TRIM44: variants seen among roughly 807,000 people sequenced by gnomAD.
The protein encoded by TRIM44 is tripartite motif containing 44, also known as tripartite motif-containing protein 44.
TRIM44 carries 13 observed loss-of-function variants against 37.4 expected under a neutral mutation model. That is an observed-to-expected ratio of 0.35 (90% CI 0.23 to 0.55). TRIM44 has a LOEUF of 0.55. Ranked by LOEUF, TRIM44 falls within the 20% of genes least tolerant of loss-of-function variation. TRIM44 has a pLI of 0.89. For synonymous variants in TRIM44, 175 were observed against 157.2 expected (o/e 1.11, Z -0.85); for missense variants, 426 against 437.2 (o/e 0.97, Z 0.23).
At chr11:35,674,662 ATATTT>A (rs1187334136) in intron 1 of TRIM44, among the ~76,000 whole-genome samples, 3 of 152,202 alleles carry the variant, frequency 2.0e-5, no homozygotes, top group East Asian at 3.8e-4. Context: ...TTAGAGAATG[ATATTT>A]TATTTTCTTA....
At position 35,663,327 on chromosome 11, in the gene TRIM44, C is replaced by T. The variant is rs777650546; in HGVS notation, c.216C>T (p.Asp72=). Residue 72 remains aspartate (D), a synonymous_variant, in exon 1 of 5, where the codon GAC becomes GAT. Coordinates refer to ENST00000299413, the MANE Select transcript of TRIM44 (RefSeq NM_017583.6). The part of the protein sequence containing the change: ...HGSQAWTPPA[D]GEGAGKEEAE... ...CCCAGGCCTGGACCCCGCCAGCTGACGGAGAGGGGGCGGGGAAGGAAGAAG... is the reference window on the plus strand; with the variant it reads ...CCCAGGCCTGGACCCCGCCAGCTGATGGAGAGGGGGCGGGGAAGGAAGAAG... 15 of 1,613,820 alleles carry T rather than the reference C, an allele frequency of 9.3e-6. No individual in the cohort carries two copies. Among genetic ancestry groups the T allele is most frequent in the African/African-American group, 4.0e-5 (3 of 74,858 alleles).
At chr11:35,799,837 A>C (rs1451321459) in intron 4 of TRIM44, among the ~76,000 whole-genome samples, 2 of 152,228 alleles carry the variant, frequency 1.3e-5, no homozygotes, top group African/African-American at 4.8e-5. Flanking sequence ...GAAGGCTCAT[A>C]GGATAAAATA....
rs1050545875 is a variant in TRIM44, at chr11:35,800,570, A to C, written c.1008-5788A>C. Among the ~76,000 whole-genome samples, 9 of 152,332 alleles carry C rather than the reference A, an allele frequency of 5.9e-5. No homozygotes were observed. The East Asian group carries it at 1.7e-3, about 29-fold the overall frequency. ...GGTGCATTTACAATCCTTTAGCTAG[A>C]CACAGAAAAGTTCTCCAACTTCCCA... On this transcript the variant is annotated intron_variant, in intron 4 of 4. Transcript: ENST00000299413.
At chr11:35,671,049 G>T (rs890121447) in intron 1 of TRIM44, among the ~76,000 whole-genome samples, 1 of 152,182 alleles carries the variant, frequency 6.6e-6, no homozygotes, top group East Asian at 1.9e-4. Context: ...AAAAGAAGAG[G>T]ATCGTTGTTA....
intron 3 of TRIM44, among the ~76,000 whole-genome samples, chr11:35,731,933 G>A (rs1186638620): frequency 6.6e-6 from 1 of 151,892 alleles, no homozygotes; most frequent in Non-Finnish European, 1.5e-5. Flanking sequence ...CATGTTTCTG[G>A]CTAAACCATA....
intron 1 of TRIM44, among the ~76,000 whole-genome samples, chr11:35,684,854 A>T (rs1851555837): frequency 6.6e-6 from 1 of 152,172 alleles, no homozygotes; most frequent in African/African-American, 2.4e-5. Flanking sequence ...CTTTGTTTTA[A>T]TTTTTATAAG....
chr11:35,700,866 A>G (rs565182159), intron 2 of TRIM44, among the ~76,000 whole-genome samples: 1 of 152,206 alleles, frequency 6.6e-6, no homozygotes, highest in African/African-American at 2.4e-5. Context: ...GAACTACAAC[A>G]TTACTGTTTT....
At chr11:35,684,534 C>A (rs1851552527) in intron 1 of TRIM44, among the ~76,000 whole-genome samples, 1 of 152,072 alleles carries the variant, frequency 6.6e-6, no homozygotes, top group Admixed American at 6.6e-5. Flanking sequence ...TCAGTTAGGC[C>A]CCAAAATAGC....
chr11:35,784,824 T>C (rs912427569), intron 4 of TRIM44, among the ~76,000 whole-genome samples: 1 of 152,210 alleles, frequency 6.6e-6, no homozygotes, highest in African/African-American at 2.4e-5. Flanking sequence ...AAAACTAGGT[T>C]GTAGAATTTC....
rs1336536621 is a variant in TRIM44, at chr11:35,807,687, A to G, written c.*1302A>G. 1 of 152,244 alleles carries G rather than the reference A, an allele frequency of 6.6e-6. No individual in the cohort carries two copies. Among genetic ancestry groups the G allele is most frequent in the African/African-American group, 2.4e-5 (1 of 41,462 alleles). The allele number at this position is 152,244 out of a possible 1,614,324, so 9.4% of individuals were successfully genotyped here. A position where few individuals can be genotyped will look rare whatever the true frequency, so the allele number is the denominator to read the frequency against. On this transcript the variant is annotated 3_prime_UTR_variant, in exon 5 of 5. Coordinates refer to ENST00000299413, the MANE Select transcript of TRIM44 (RefSeq NM_017583.6). Reference sequence around the variant, plus strand: ...GATGACCTATTTTTATATAAAAGTTATATTATAGAATAAAATGTTCATACG... The same window carrying G: ...GATGACCTATTTTTATATAAAAGTTGTATTATAGAATAAAATGTTCATACG...
At chr11:35,773,302 A>T (rs1852900229) in intron 4 of TRIM44, among the ~76,000 whole-genome samples, 1 of 152,024 alleles carries the variant, frequency 6.6e-6, no homozygotes, top group Non-Finnish European at 1.5e-5. Context: ...GTATCTATTC[A>T]TGTCTTTGGC....
At chr11:35,780,304 A>G (rs1853046345) in intron 4 of TRIM44, among the ~76,000 whole-genome samples, 1 of 152,200 alleles carries the variant, frequency 6.6e-6, no homozygotes, top group South Asian at 2.1e-4. Context: ...TAAGGTTAAG[A>G]AGAGAAGAAT....
chr11:35,725,909 G>T lies in TRIM44; in HGVS notation c.748-15G>T, dbSNP rs369417588. 9 of 1,611,340 alleles carry T rather than the reference G, an allele frequency of 5.6e-6. No individual in the cohort carries two copies. The highest frequency in any genetic ancestry group is 7.6e-6 in the Non-Finnish European group (9 of 1,178,310). On this transcript the variant is annotated splice_polypyrimidine_tract_variant and intron_variant, in intron 2 of 4. Coordinates refer to ENST00000299413, the MANE Select transcript of TRIM44 (RefSeq NM_017583.6). ...TATGTTCAACTTATTCTTCTTATTT[G>T]TCTCTGTTCTAAAGGTAACTCGGGA...
chr11:35,665,603 T>C (rs1433848033), intron 1 of TRIM44, among the ~76,000 whole-genome samples: 1 of 140,276 alleles, frequency 7.1e-6, no homozygotes, highest in Non-Finnish European at 1.5e-5. Context: ...TTTTTTTTTT[T>C]TTTTTTTTTG....
intron 1 of TRIM44, among the ~76,000 whole-genome samples, chr11:35,667,327 A>G (rs1851343429): frequency 6.6e-6 from 1 of 152,348 alleles, no homozygotes; most frequent in East Asian, 1.9e-4. Context: ...ATACCTCAAA[A>G]GCCTGTGTCC....
At chr11:35,793,990 A>C (rs55831973) in intron 4 of TRIM44, among the ~76,000 whole-genome samples, 69 of 152,356 alleles carry the variant, frequency 4.5e-4, no homozygotes, top group African/African-American at 1.6e-3. Context: ...GTAAGTGCTT[A>C]TAATGTATAA....
At chr11:35,671,528 A>G (rs1851393757) in intron 1 of TRIM44, among the ~76,000 whole-genome samples, 1 of 152,204 alleles carries the variant, frequency 6.6e-6, no homozygotes, top group South Asian at 2.1e-4. Context: ...AATTTGTACA[A>G]TTTATGTTTT....
intron 2 of TRIM44, among the ~76,000 whole-genome samples, chr11:35,691,767 C>G (rs1340181392): frequency 6.6e-6 from 1 of 152,164 alleles, no homozygotes; most frequent in East Asian, 1.9e-4. Flanking sequence ...GCCTCAGCCT[C>G]CCAAGTAGTT....
At chr11:35,708,872 T>C (rs556107374) in intron 2 of TRIM44, among the ~76,000 whole-genome samples, 9 of 152,004 alleles carry the variant, frequency 5.9e-5, no homozygotes, top group African/African-American at 2.2e-4. Context: ...GTAACTAACC[T>C]GCACATTGTG....
Sources: allele counts gnomAD v4.1 joint callset (sites outside exome capture counted in the v4.1 genomes callset), GRCh38; gene constraint gnomAD v4.1.1; transcripts MANE v1.5; gene names NCBI Gene and HGNC (gene_info 2026-07-23, HGNC 2026-07-21).